CSMD1: variants seen among roughly 807,000 people sequenced by gnomAD.
CSMD1 encodes the protein CUB and Sushi multiple domains 1, also known as CUB and sushi domain-containing protein 1.
A neutral mutation model predicts 417.5 loss-of-function variants in CSMD1; 213 were observed. The observed-to-expected ratio is 0.51, with a 90% CI of 0.46 to 0.57. CSMD1 has a LOEUF of 0.57. Among genes scored for constraint, CSMD1 ranks in the 20% least tolerant of loss-of-function variants. CSMD1 has a pLI of 0.00. For missense variants in CSMD1, 6,923 were observed against 4,529.7 expected, an observed-to-expected ratio of 1.53 and a Z score of -15.17; for synonymous variants, 2,862 against 1,736.8, an observed-to-expected ratio of 1.65 and a Z score of -16.11.
At chr8:3,611,643 G>T (rs777288421) in intron 8 of CSMD1, among the ~76,000 whole-genome samples, 11 of 151,936 alleles carry the variant, frequency 7.2e-5, no homozygotes, top group Admixed American at 1.3e-4. Flanking sequence ...TCAAAAGCTG[G>T]TATCTATCAT....
chr8:3,669,778 G>C (rs1418450887), intron 7 of CSMD1, among the ~76,000 whole-genome samples: 2 of 152,118 alleles, frequency 1.3e-5, no homozygotes, highest in African/African-American at 2.4e-5. Context: ...ACACTCATCA[G>C]AGCCCTCAGG....
At chr8:4,896,567 C>T (rs952309772) in intron 1 of CSMD1, among the ~76,000 whole-genome samples, 1 of 152,092 alleles carries the variant, frequency 6.6e-6, no homozygotes, top group African/African-American at 2.4e-5. Context: ...TAACCTTACA[C>T]ATACTGATTT....
intron 12 of CSMD1, among the ~76,000 whole-genome samples, chr8:3,461,992 G>A (rs558237280): frequency 9.2e-5 from 14 of 152,238 alleles, no homozygotes; most frequent in South Asian, 8.3e-4. Context: ...TGTGTTACAC[G>A]TGTTCCTAGG....
chr8:4,523,839 T>C (rs1803624425), intron 2 of CSMD1, among the ~76,000 whole-genome samples: 2 of 152,202 alleles, frequency 1.3e-5, no homozygotes, highest in Non-Finnish European at 2.9e-5. Context: ...TACTGTTTCT[T>C]AACTGTGCCA....
At chr8:3,166,273 G>A (rs1302665673) in intron 37 of CSMD1, among the ~76,000 whole-genome samples, 1 of 152,158 alleles carries the variant, frequency 6.6e-6, no homozygotes, top group African/African-American at 2.4e-5. Flanking sequence ...ACTCATGCCT[G>A]TAATCCAGGC....
At chr8:4,682,827 A>G (rs1806133002) in intron 1 of CSMD1, among the ~76,000 whole-genome samples, 1 of 151,082 alleles carries the variant, frequency 6.6e-6, no homozygotes. Flanking sequence ...ACATTAAACT[A>G]AATACACTGA....
At chr8:4,694,936 A>G (rs576038727) in intron 1 of CSMD1, among the ~76,000 whole-genome samples, 5 of 152,316 alleles carry the variant, frequency 3.3e-5, no homozygotes, top group African/African-American at 9.6e-5. Context: ...CTAAAGCACT[A>G]TGAACATACA....
chr8:4,215,829 G>A (rs1800635553), intron 3 of CSMD1, among the ~76,000 whole-genome samples: 1 of 152,022 alleles, frequency 6.6e-6, no homozygotes. Flanking sequence ...AAAGAACACA[G>A]TGCATGGAAA....
chr8:4,428,775 A>G (rs554884702), intron 2 of CSMD1, among the ~76,000 whole-genome samples: 32 of 152,114 alleles, frequency 2.1e-4, no homozygotes, highest in Non-Finnish European at 2.5e-4. Flanking sequence ...GCTGGAGTGC[A>G]GTGGCGTGAT....
chr8:3,297,892 G>GGAAAAAAAA (rs1474965938), intron 25 of CSMD1, among the ~76,000 whole-genome samples: 25 of 152,188 alleles, frequency 1.6e-4, no homozygotes, highest in Admixed American at 1.4e-3. Context: ...TTAAAAACCT[G>GGAAAAAAAA]TGTTTATCAA....
At chr8:4,016,441 C>G (rs1031321923) in intron 4 of CSMD1, among the ~76,000 whole-genome samples, 4 of 152,122 alleles carry the variant, frequency 2.6e-5, no homozygotes, top group African/African-American at 9.7e-5. Context: ...GAGCCTGTCT[C>G]TTAGACGTCT....
rs538589750 is a variant in CSMD1, at chr8:3,501,371, G to A, written c.1345-7645C>T. Reference sequence around the variant, plus strand: ...AAGTTTTTCCTTTTGATGTTCTTCCGTAAACTACATTTGTTTTTCTGAATA... The same window carrying A: ...AAGTTTTTCCTTTTGATGTTCTTCCATAAACTACATTTGTTTTTCTGAATA... On this transcript the variant is annotated intron_variant, in intron 10 of 69. Transcript: ENST00000635120. Among the ~76,000 whole-genome samples the A allele has an allele frequency of 1.4e-4, 21 of 152,170 alleles. No individual in the cohort carries two copies. In the South Asian group the frequency reaches 2.3e-3, roughly 17 times the overall value.
intron 64 of CSMD1, among the ~76,000 whole-genome samples, chr8:2,954,965 T>C (rs73499059): frequency 0.011 from 1,689 of 152,340 alleles, 23 homozygotes; most frequent in African/African-American, 0.038. Context: ...TTAGACTCCA[T>C]GGATTTATAA....
At chr8:3,136,000 G>A (rs1818058104) in intron 41 of CSMD1, among the ~76,000 whole-genome samples, 1 of 152,110 alleles carries the variant, frequency 6.6e-6, no homozygotes, top group Admixed American at 6.5e-5. Context: ...CCACACAGCT[G>A]TCACCTTGCA....
At chr8:3,912,777 C>G (rs757716291) in intron 5 of CSMD1, among the ~76,000 whole-genome samples, 1 of 152,124 alleles carries the variant, frequency 6.6e-6, no homozygotes, top group Non-Finnish European at 1.5e-5. Context: ...CAAGGTCACA[C>G]GAAGGCATGC....
chr8:3,246,028 A>G (rs916487176), intron 26 of CSMD1, among the ~76,000 whole-genome samples: 2 of 152,064 alleles, frequency 1.3e-5, no homozygotes, highest in Non-Finnish European at 2.9e-5. Flanking sequence ...ATTTCCCCCA[A>G]CGCACTTGCC....
chr8:4,985,841 C>T (rs1811151444), intron 1 of CSMD1, among the ~76,000 whole-genome samples: 1 of 152,180 alleles, frequency 6.6e-6, no homozygotes, highest in South Asian at 2.1e-4. Context: ...ATGGATTGGT[C>T]TTATGTTGTC....
At chr8:4,361,080 G>C (rs1222062741) in intron 3 of CSMD1, among the ~76,000 whole-genome samples, 4 of 152,116 alleles carry the variant, frequency 2.6e-5, no homozygotes, top group Non-Finnish European at 5.9e-5. Flanking sequence ...CAGATGTTTT[G>C]TCAGTTCTCA....
intron 10 of CSMD1, among the ~76,000 whole-genome samples, chr8:3,546,529 CA>C (rs1554464374): frequency 7.6e-6 from 1 of 131,154 alleles, no homozygotes; most frequent in Non-Finnish European, 1.5e-5. Flanking sequence ...AGTGAGACTC[CA>C]AAAAAAAAGA....
Sources: allele counts gnomAD v4.1 joint callset (sites outside exome capture counted in the v4.1 genomes callset), GRCh38; gene constraint gnomAD v4.1.1; transcripts MANE v1.5; gene names NCBI Gene and HGNC (gene_info 2026-07-23, HGNC 2026-07-21).